Variants in UGCG observed in about 807,000 individuals in gnomAD.
UGCG encodes the protein ceramide glucosyltransferase.
In UGCG, 10 loss-of-function variants were observed where a neutral mutation model predicts 49.5. The ratio of observed to expected loss-of-function variants is 0.20; its 90% confidence interval spans 0.12 to 0.34. The LOEUF (loss-of-function observed/expected upper bound fraction) is 0.34. Ranked by LOEUF, UGCG falls within the 10% of genes least tolerant of loss-of-function variation. The pLI is 1.00. For synonymous variants in UGCG, 182 were observed against 158.2 expected (o/e 1.15, Z -1.13); for missense variants, 312 against 483.7 (o/e 0.65, Z 3.33).
chr9:111,901,492 G>A (rs181482555), intron 1 of UGCG, among the ~76,000 whole-genome samples: 2 of 152,130 alleles, frequency 1.3e-5, no homozygotes, highest in African/African-American at 2.4e-5. Flanking sequence ...GGGAAGATAC[G>A]GAATTAGACT....
chr9:111,926,861 CTTTTTTTTT>C (rs56298523), intron 5 of UGCG, among the ~76,000 whole-genome samples: 26 of 56,872 alleles, frequency 4.6e-4, no homozygotes, highest in Non-Finnish European at 6.5e-4. Context: ...TCCCCCCAGC[CTTTTTTTTT>C]TTTTTTTTTT....
chr9:111,917,695 A>G (rs1838134029), intron 2 of UGCG, among the ~76,000 whole-genome samples: 1 of 152,210 alleles, frequency 6.6e-6, no homozygotes, highest in African/African-American at 2.4e-5. Context: ...CTAGGTTTCA[A>G]TTTTGGTGAG....
rs983466320 is a variant in UGCG at position 111,934,744 on chromosome 9, T to G, written c.*1747T>G. 6.6e-6 allele frequency: 1 copy of G among 151,150 alleles called. No individual in the cohort carries two copies. Among genetic ancestry groups the G allele is most frequent in the Non-Finnish European group, 1.5e-5 (1 of 67,896 alleles). 9.4% of individuals were successfully genotyped at this position (151,150 alleles called of 1,614,324 possible). ...CTTTCTTTTTTTTTTTTTTTAGCCT[T>G]ATGATGAATTTGTTTGAAGGGCATT... On this transcript the variant is annotated 3_prime_UTR_variant, in exon 9 of 9. Transcript: ENST00000374279.
At position 111,933,730 on chromosome 9, in the gene UGCG, T is replaced by C. The variant is rs1838467435; in HGVS notation, c.*733T>C. The C allele has an allele frequency of 6.6e-6, 1 of 152,238 alleles. No homozygotes were observed. The highest frequency in any genetic ancestry group is 6.5e-5 in the Admixed American group (1 of 15,288). 9.4% of individuals were successfully genotyped at this position (152,238 alleles called of 1,614,324 possible). A position where few individuals can be genotyped will look rare whatever the true frequency, so the allele number is the denominator to read the frequency against. ...GTAGCCATGTATTGAAGGCATCTTT[T>C]TGACCAACTCTTGTTGGTTCTGTCT... On this transcript the variant is annotated 3_prime_UTR_variant, in exon 9 of 9. Coordinates refer to ENST00000374279, the MANE Select transcript of UGCG (RefSeq NM_003358.3).
intron 1 of UGCG, among the ~76,000 whole-genome samples, chr9:111,903,869 T>G (rs574624461): frequency 1.3e-4 from 20 of 152,306 alleles, no homozygotes; most frequent in Non-Finnish European, 2.4e-4. Context: ...GTGCTGGGAT[T>G]ATAGGCCTTT....
At chr9:111,915,045 A>T (rs903842178) in intron 2 of UGCG, 1 of 234,976 alleles carries the variant, frequency 4.3e-6, no homozygotes, top group Non-Finnish European at 8.4e-6. Context: ...ATTTTCTTCC[A>T]TAAGAGCTGG....
At chr9:111,914,494 A>G (rs1449673535) in intron 1 of UGCG, 111 bp from the exon 2 acceptor site, 73 of 1,126,380 alleles carry the variant, frequency 6.5e-5, no homozygotes, top group Non-Finnish European at 8.0e-5. Flanking sequence ...AAAGATGTCA[A>G]GTTTTAAAAA....
intron 1 of UGCG, among the ~76,000 whole-genome samples, chr9:111,908,816 A>G (rs1335245462): frequency 2.6e-5 from 4 of 152,244 alleles, no homozygotes; most frequent in Admixed American, 6.5e-5. Flanking sequence ...AAGAAAAACT[A>G]GTTAGAAACC....
At chr9:111,930,799 C>G (rs1231171379) in intron 6 of UGCG, among the ~76,000 whole-genome samples, 1 of 152,102 alleles carries the variant, frequency 6.6e-6, no homozygotes, top group Non-Finnish European at 1.5e-5. Context: ...AGATCACTGC[C>G]TTGTGTGAGA....
At chr9:111,905,019 A>G (rs189131770) in intron 1 of UGCG, among the ~76,000 whole-genome samples, 6 of 152,318 alleles carry the variant, frequency 3.9e-5, no homozygotes, top group East Asian at 1.9e-4. Context: ...TATGATTGCC[A>G]CTGCACTCCA....
intron 6 of UGCG, among the ~76,000 whole-genome samples, chr9:111,930,239 AAAGT>A (rs1310585104): frequency 5.9e-5 from 9 of 152,194 alleles, no homozygotes; most frequent in Non-Finnish European, 1.3e-4. Context: ...AAAGCGATTA[AAAGT>A]AAGTTTCTCT....
chr9:111,931,399 G>A (rs1296653905), intron 7 of UGCG, 42 bp downstream of exon 7: 2 of 1,582,938 alleles, frequency 1.3e-6, no homozygotes, highest in East Asian at 4.5e-5. Context: ...TAAAAGGAAA[G>A]TGGGGAGGGG....
chr9:111,897,152 T>A lies in UGCG; in HGVS notation c.-64T>A. ...GCACCGGGCGCCCACCCTGTCCTCCTCCTGCGGGAGCGTTGTCCGTGTTGG... is the reference window on the plus strand; with the variant it reads ...GCACCGGGCGCCCACCCTGTCCTCCACCTGCGGGAGCGTTGTCCGTGTTGG... On this transcript the variant is annotated 5_prime_UTR_variant, in exon 1 of 9. Transcript: ENST00000374279. 7.5e-7 allele frequency: 1 copy of A among 1,333,330 alleles called. No individual in the cohort carries two copies. The highest frequency in any genetic ancestry group is 1.0e-6 in the Non-Finnish European group (1 of 1,003,542). The allele number at this position is 1,333,330 out of a possible 1,614,324, so 82.6% of individuals were successfully genotyped here.
chr9:111,912,591 A>T (rs901620005), intron 1 of UGCG, among the ~76,000 whole-genome samples: 18 of 152,188 alleles, frequency 1.2e-4, no homozygotes, highest in South Asian at 8.3e-4. Flanking sequence ...AAAATAAAAA[A>T]AAAAAAATTC....
chr9:111,923,385 G>T (rs1762553468), intron 3 of UGCG, among the ~76,000 whole-genome samples: 2 of 151,054 alleles, frequency 1.3e-5, no homozygotes, highest in South Asian at 4.2e-4. Flanking sequence ...TTAACATAGA[G>T]CTGATGTGGT....
At chr9:111,909,604 A>G (rs989004929) in intron 1 of UGCG, among the ~76,000 whole-genome samples, 10 of 152,244 alleles carry the variant, frequency 6.6e-5, no homozygotes, top group African/African-American at 2.4e-4. Context: ...GTTGCATTCC[A>G]GTGCATATGA....
Position 111,901,191 on chromosome 9 carries a change from G to A in UGCG, c.98+3878G>A, listed in dbSNP as rs890839639. 2.6e-5 allele frequency among the ~76,000 whole-genome samples: 4 copies of A among 152,342 alleles called. No individual in the cohort carries two copies. The East Asian group carries it at 7.7e-4, about 29-fold the overall frequency. ...TTTGAATGGAATTTGCATACTCATT[G>A]TGTCAGGATAACTGCGATAAACTAC... On this transcript the variant is annotated intron_variant, in intron 1 of 8. Transcript: ENST00000374279.
At chr9:111,910,750 T>G (rs1210252327) in intron 1 of UGCG, among the ~76,000 whole-genome samples, 1 of 152,140 alleles carries the variant, frequency 6.6e-6, no homozygotes, top group Non-Finnish European at 1.5e-5. Flanking sequence ...TCTTTTTTGT[T>G]TTTGTTTTTG....
At chr9:111,921,506 A>G (rs1838220648) in intron 2 of UGCG, among the ~76,000 whole-genome samples, 1 of 151,834 alleles carries the variant, frequency 6.6e-6, no homozygotes, top group Non-Finnish European at 1.5e-5. Flanking sequence ...TTAGCCAGAC[A>G]TGGTGGCGGG....
Sources: allele counts gnomAD v4.1 joint callset (sites outside exome capture counted in the v4.1 genomes callset), GRCh38; gene constraint gnomAD v4.1.1; transcripts MANE v1.5; gene names NCBI Gene and HGNC (gene_info 2026-07-23, HGNC 2026-07-21).